NAV1: variants seen among roughly 807,000 people sequenced by gnomAD.
The protein encoded by NAV1 is pore membrane and/or filament interacting like protein 3.
NAV1 carries 18 observed loss-of-function variants against 175.2 expected under a neutral mutation model. That is an observed-to-expected ratio of 0.10 (90% CI 0.07 to 0.15). NAV1 has a LOEUF of 0.15. Among genes scored for constraint, NAV1 ranks in the 10% least tolerant of loss-of-function variants. NAV1 has a pLI of 1.00. For synonymous variants in NAV1, 897 were observed against 978.7 expected, an observed-to-expected ratio of 0.92 and a Z score of 1.56; for missense variants, 1,731 against 2,436.6, an observed-to-expected ratio of 0.71 and a Z score of 6.10.
At chr1:201,610,888 G>A (rs1667824690) in intron 2 of NAV1, among the ~76,000 whole-genome samples, 1 of 152,212 alleles carries the variant, frequency 6.6e-6, no homozygotes, top group South Asian at 2.1e-4. Flanking sequence ...TGGCCAGAAA[G>A]GAGGCCATGC....
intron 1 of NAV1, among the ~76,000 whole-genome samples, chr1:201,657,436 T>G (rs1193749601): frequency 6.6e-6 from 1 of 152,226 alleles, no homozygotes; most frequent in African/African-American, 2.4e-5. Flanking sequence ...CCCTTTCTTA[T>G]ATTTGGGGTC....
At chr1:201,648,565 T>C in exon 1 of NAV1, 1 of 1,250,268 alleles carries the variant, frequency 8.0e-7, no homozygotes, top group South Asian at 3.5e-5. Flanking sequence ...GTCCTCTCTC[T>C]CCCCCTCCTC....
chr1:201,796,737 G>A (rs2102764166), intron 15 of NAV1: 3 of 152,222 alleles, frequency 2.0e-5, no homozygotes, highest in Admixed American at 2.0e-4. Context: ...ATTCTTAATG[G>A]CTAATACCAA....
At position 201,790,580 on chromosome 1, in the gene NAV1, A is replaced by T; in HGVS notation, c.3243+3A>T. On this transcript the variant is annotated splice_donor_region_variant and intron_variant, in intron 12 of 29. Transcript: ENST00000367296. The stretch of plus-strand genomic sequence containing the variant: ...CTGAGGAGAGGATGCAATCTGAGGT[A>T]GGGTGGAAAGCCTTTGTCTCTGCTT... 6.2e-7 allele frequency: 1 copy of T among 1,614,062 alleles called. No homozygotes were observed. The highest frequency in any genetic ancestry group is 8.5e-7 in the Non-Finnish European group (1 of 1,180,018).
intron 3 of NAV1, among the ~76,000 whole-genome samples, chr1:201,721,052 G>A (rs553924643): frequency 1.3e-5 from 2 of 152,174 alleles, no homozygotes; most frequent in African/African-American, 4.8e-5. Context: ...GACAGGATGT[G>A]TGTTCCCGAA....
intron 3 of NAV1, among the ~76,000 whole-genome samples, chr1:201,721,515 G>C (rs474226): frequency 0.61 from 92,160 of 152,106 alleles, 27,964 homozygotes; most frequent in South Asian, 0.73. Flanking sequence ...AGCTGTCGTT[G>C]CTCAGCCTCC....
At chr1:201,802,476 A>AG in intron 15 of NAV1, among the ~76,000 whole-genome samples, 1 of 118,854 alleles carries the variant, frequency 8.4e-6, no homozygotes, top group South Asian at 2.5e-4. Flanking sequence ...AAAAAAAAAA[A>AG]GAAAGAAAGA....
At chr1:201,800,428 C>G (rs970987838) in intron 15 of NAV1, among the ~76,000 whole-genome samples, 9 of 152,212 alleles carry the variant, frequency 5.9e-5, no homozygotes, top group Non-Finnish European at 1.0e-4. Context: ...GTCTGGCTCA[C>G]CACTCTGTTT....
chr1:201,562,881 A>G (rs755465932), intron 1 of NAV1, among the ~76,000 whole-genome samples: 7 of 152,148 alleles, frequency 4.6e-5, no homozygotes, highest in African/African-American at 7.2e-5. Context: ...CTCAGTCCAG[A>G]TCCTGGATGC....
intron 1 of NAV1, among the ~76,000 whole-genome samples, chr1:201,695,287 C>T (rs1441226646): frequency 2.6e-5 from 4 of 152,216 alleles, no homozygotes; most frequent in South Asian, 2.1e-4. Flanking sequence ...TTCTCCTCTC[C>T]GGGCCCTTAG....
At chr1:201,618,948 CTGTT>C (rs750511045), upstream of NAV1, among the ~76,000 whole-genome samples, 1 of 152,102 alleles carries the variant, frequency 6.6e-6, no homozygotes, top group Non-Finnish European at 1.5e-5. Context: ...AAATAACTCA[CTGTT>C]TGGGGAGCCC....
chr1:201,746,993 CAAA>C (rs35001839), intron 3 of NAV1, among the ~76,000 whole-genome samples: 3 of 132,762 alleles, frequency 2.3e-5, no homozygotes, highest in Admixed American at 7.6e-5. Context: ...GACCCTGTCT[CAAA>C]AAAAAAAAAA....
At position 201,785,336 on chromosome 1, in the gene NAV1, C is replaced by T. The variant is rs149162317; in HGVS notation, c.2831C>T (p.Pro944Leu). 2.3e-5 allele frequency: 37 copies of T among 1,612,186 alleles called. No individual in the cohort carries two copies. Among genetic ancestry groups the T allele is most frequent in the Non-Finnish European group, 3.0e-5 (35 of 1,179,510 alleles). Residue 944 changes from proline to leucine, a missense_variant, in exon 8 of 30, where the codon CCC becomes CTC. By Grantham distance (98) the Pro-to-Leu change is moderately conservative. Coordinates refer to ENST00000367296, the Ensembl canonical transcript of NAV1. ...AATCAGCGGGATCGGAACACTCTTC[C>T]CAAGAAAGGGCTCAGGTAACCCTTT...
At chr1:201,646,526 C>G (rs1205221825), upstream of NAV1, among the ~76,000 whole-genome samples, 4 of 152,186 alleles carry the variant, frequency 2.6e-5, no homozygotes, top group African/African-American at 9.7e-5. Flanking sequence ...CAGAGTTCCT[C>G]AAGGACAGAA....
chr1:201,716,533 C>T (rs939011643), intron 2 of NAV1, among the ~76,000 whole-genome samples: 37 of 152,244 alleles, frequency 2.4e-4, no homozygotes, highest in African/African-American at 7.7e-4. Context: ...AATTAGAAGC[C>T]GAAACAAGAC....
At chr1:201,778,022 G>A (rs138381350) in intron 3 of NAV1, among the ~76,000 whole-genome samples, 45 of 152,290 alleles carry the variant, frequency 3.0e-4, no homozygotes, top group African/African-American at 9.4e-4. Flanking sequence ...TAACTCTCAT[G>A]TAATGACAAC....
In NAV1 at chr1:201,810,947, G is replaced by A. The variant is rs899776842; in HGVS notation, c.4797+189G>A. On this transcript the variant is annotated intron_variant, in intron 24 of 29. Transcript: ENST00000367296. This position sits in a 1 kb window ranked among gnomAD's most constrained non-coding sequence, Gnocchi z 6.0. ...CCAGTCTTCTCCTTTCCCTCCCCAC[G>A]ATTTCTTTCCAGCCTCTTGCCTTTA... Among the ~76,000 whole-genome samples the A allele has an allele frequency of 2.0e-5, 3 of 151,268 alleles. No homozygotes were observed. Among genetic ancestry groups the A allele is most frequent in the Non-Finnish European group, 4.4e-5 (3 of 67,904 alleles).
At chr1:201,712,435 G>A (rs1203260515) in intron 1 of NAV1, among the ~76,000 whole-genome samples, 2 of 152,328 alleles carry the variant, frequency 1.3e-5, no homozygotes, top group East Asian at 3.9e-4. Flanking sequence ...ACCCTGGATA[G>A]GGGGTTTCAG....
chr1:201,573,097 A>G (rs1312486837), intron 1 of NAV1, among the ~76,000 whole-genome samples: 8 of 152,184 alleles, frequency 5.3e-5, no homozygotes, highest in Admixed American at 1.3e-4. Context: ...AGGCCTGACA[A>G]TGTTCATTTG....
Sources: gnomAD v4.1 joint callset for allele counts (sites outside exome capture counted in the v4.1 genomes callset) on GRCh38, gnomAD v4.1.1 for gene constraint, Gnocchi (gnomAD v3.1) non-coding constraint, MANE v1.5 for transcripts, NCBI Gene and HGNC (gene_info 2026-07-23, HGNC 2026-07-21) for gene names.